SND1: variants seen among roughly 807,000 people sequenced by gnomAD.
SND1 encodes the protein staphylococcal nuclease domain-containing protein 1.
Under a neutral mutation model 121.7 loss-of-function variants are expected in SND1, and 38 were observed. That is an observed-to-expected ratio of 0.31 (90% CI 0.24 to 0.41). The LOEUF (loss-of-function observed/expected upper bound fraction) is 0.41, where lower values mean the gene tolerates loss of function less well. Among genes scored for constraint, SND1 ranks in the 10% least tolerant of loss-of-function variants. The pLI, the probability that SND1 is intolerant of heterozygous loss-of-function variation, is 1.00. For missense variants in SND1, 868 were observed against 1,184.6 expected, an observed-to-expected ratio of 0.73 and a Z score of 3.92; for synonymous variants, 401 against 447.4, an observed-to-expected ratio of 0.90 and a Z score of 1.31.
intron 14 of SND1, among the ~76,000 whole-genome samples, chr7:127,915,270 C>CCT (rs1800550572): frequency 6.6e-6 from 1 of 152,122 alleles, no homozygotes; most frequent in Admixed American, 6.6e-5. Flanking sequence ...CTGCACCCAG[C>CCT]CTGGTGTTCA....
chr7:128,084,994 G>C, intron 19 of SND1, 147 bp downstream of exon 19: 1 of 769,064 alleles, frequency 1.3e-6, no homozygotes, highest in Non-Finnish European at 1.9e-6. Flanking sequence ...CCTCTTCATT[G>C]CCCACAGCCC....
intron 21 of SND1, 53 bp from the exon 22 acceptor site, chr7:128,089,436 G>A: frequency 6.6e-7 from 1 of 1,526,442 alleles, no homozygotes. Flanking sequence ...AGGAGCTGGG[G>A]CCCAAGTGGT....
chr7:127,796,731 G>A (rs1200610466), intron 10 of SND1, among the ~76,000 whole-genome samples: 4 of 152,002 alleles, frequency 2.6e-5, no homozygotes, highest in East Asian at 3.9e-4. Flanking sequence ...GTTTTCTCAC[G>A]GAGTTTATAT....
At chr7:128,043,194 G>C (rs1489860170) in intron 16 of SND1, among the ~76,000 whole-genome samples, 1 of 152,040 alleles carries the variant, frequency 6.6e-6, no homozygotes, top group African/African-American at 2.4e-5. Context: ...GGTTACACCA[G>C]GTCTCTCTCC....
At chr7:127,890,266 C>T (rs1274667526) in intron 13 of SND1, among the ~76,000 whole-genome samples, 3 of 152,114 alleles carry the variant, frequency 2.0e-5, no homozygotes, top group Non-Finnish European at 2.9e-5. Context: ...ATGCATTTCT[C>T]TGATGATCAG....
rs1376382755 is a variant in SND1, at chr7:128,089,491, T to C, written c.2421T>C (p.Asp807=). ...AFAFIQVPQD[D]DARTDAVDSV... ...ACCTGAGTGTGTCTCTGCTCCAGGATGATGCCCGCACGGACGCCGTGGACA... is the reference window on the plus strand; with the variant it reads ...ACCTGAGTGTGTCTCTGCTCCAGGACGATGCCCGCACGGACGCCGTGGACA... Residue 807 remains aspartate (D), a splice_region_variant and synonymous_variant, in exon 22 of 24, where the codon GAT becomes GAC. Coordinates refer to ENST00000354725, the MANE Select transcript of SND1 (RefSeq NM_014390.4). 1.2e-6 allele frequency: 2 copies of C among 1,609,746 alleles called. No homozygotes were observed. Among genetic ancestry groups the C allele is most frequent in the South Asian group, 1.1e-5 (1 of 90,806 alleles).
intron 1 of SND1, among the ~76,000 whole-genome samples, chr7:127,676,038 A>C (rs1318069168): frequency 1.3e-5 from 2 of 152,210 alleles, no homozygotes; most frequent in Non-Finnish European, 2.9e-5. Context: ...TGTGAAGTCT[A>C]AGCTACAGTC....
In SND1 at chr7:127,677,425, T is replaced by A. The variant is rs139109104; in HGVS notation, c.79-9188T>A. 5.3e-5 allele frequency among the ~76,000 whole-genome samples: 8 copies of A among 152,368 alleles called. No homozygotes were observed. The East Asian group carries it at 1.5e-3, about 29-fold the overall frequency. ...CATATACTGCAGCTCCTTCTCTGAT[T>A]ATAAAAACGAGCAGTTTGTGTAACT... On this transcript the variant is annotated intron_variant, in intron 1 of 23. Transcript: ENST00000354725.
At chr7:127,770,671 A>T (rs1328955733) in intron 10 of SND1, among the ~76,000 whole-genome samples, 2 of 151,922 alleles carry the variant, frequency 1.3e-5, no homozygotes, top group Non-Finnish European at 2.9e-5. Flanking sequence ...TACTCTTTAA[A>T]TTTTCTCAGT....
At chr7:127,670,238 C>T (rs1192960480) in intron 1 of SND1, among the ~76,000 whole-genome samples, 1 of 152,170 alleles carries the variant, frequency 6.6e-6, no homozygotes, top group East Asian at 1.9e-4. Context: ...ATCTGCCTGC[C>T]TCAGCCTCCC....
chr7:127,679,860 T>C (rs150261184), intron 1 of SND1, among the ~76,000 whole-genome samples: 4 of 152,368 alleles, frequency 2.6e-5, no homozygotes, highest in African/African-American at 4.8e-5. Context: ...TTGTTTTCTC[T>C]CTTTTTTTGG....
intron 10 of SND1, among the ~76,000 whole-genome samples, chr7:127,806,172 T>C (rs1368208516): frequency 1.3e-5 from 2 of 152,216 alleles, no homozygotes; most frequent in Non-Finnish European, 2.9e-5. Context: ...CAGGATCTCT[T>C]ATTTCTTATA....
At position 127,667,383 on chromosome 7, in the gene SND1, A is replaced by G. The variant is rs183584856; in HGVS notation, c.78+14932A>G. Among the ~76,000 whole-genome samples, 56 of 152,332 alleles carry G rather than the reference A, an allele frequency of 3.7e-4. 2 individuals are homozygous for G. In the East Asian group the frequency reaches 9.2e-3, roughly 25 times the overall value. ...TGGCTTTCATTTAGTTGTATCTGGT[A>G]TACAGGTCCCCTACCACGTTTTATC... On this transcript the variant is annotated intron_variant, in intron 1 of 23. Transcript: ENST00000354725.
At position 128,029,038 on chromosome 7, in the gene SND1, C is replaced by T; in HGVS notation, c.1779+37982C>T. 1 of 1,613,986 alleles carries T rather than the reference C, an allele frequency of 6.2e-7. No homozygotes were observed. Among genetic ancestry groups the T allele is most frequent in the Non-Finnish European group, 8.5e-7 (1 of 1,179,994 alleles). ...ATGGCGGCAGCTAGCAGAGTCACTGCCACAAAGCAGCCAATGATGATCTTG... is the reference window on the plus strand; with the variant it reads ...ATGGCGGCAGCTAGCAGAGTCACTGTCACAAAGCAGCCAATGATGATCTTG... On this transcript the variant is annotated intron_variant, in intron 16 of 23. Coordinates refer to ENST00000354725, the MANE Select transcript of SND1 (RefSeq NM_014390.4). This position sits in a 1 kb window ranked among gnomAD's most constrained non-coding sequence, Gnocchi z 4.2.
At chr7:127,704,372 T>C (rs1170386367) in intron 7 of SND1, among the ~76,000 whole-genome samples, 2 of 152,222 alleles carry the variant, frequency 1.3e-5, no homozygotes, top group African/African-American at 2.4e-5. Flanking sequence ...TGTGTTACAG[T>C]ACAGTGTGAA....
intron 12 of SND1, among the ~76,000 whole-genome samples, chr7:127,873,797 C>T (rs1463248646): frequency 6.6e-6 from 1 of 152,098 alleles, no homozygotes; most frequent in Non-Finnish European, 1.5e-5. Context: ...AGGCACATGC[C>T]ACCACACCCA....
chr7:127,779,649 G>T (rs1049678880), intron 10 of SND1, among the ~76,000 whole-genome samples: 1 of 152,182 alleles, frequency 6.6e-6, no homozygotes, highest in African/African-American at 2.4e-5. Context: ...ATGGTTGGGG[G>T]TCAAAAGTGC....
intron 12 of SND1, among the ~76,000 whole-genome samples, chr7:127,887,047 A>G (rs570195671): frequency 1.1e-4 from 16 of 151,966 alleles, no homozygotes; most frequent in African/African-American, 3.9e-4. Context: ...TCTTTTACCC[A>G]TGCTGCAGTG....
At chr7:127,701,075 G>A in intron 4 of SND1, 88 bp from the exon 5 acceptor site, 1 of 1,415,990 alleles carries the variant, frequency 7.1e-7, no homozygotes, top group East Asian at 2.3e-5. Flanking sequence ...TTCAAGGGGT[G>A]AAGATGCTGA....
Sources: allele counts gnomAD v4.1 joint callset (sites outside exome capture counted in the v4.1 genomes callset), GRCh38; gene constraint gnomAD v4.1.1; non-coding constraint Gnocchi (gnomAD v3.1); transcripts MANE v1.5; gene names NCBI Gene and HGNC (gene_info 2026-07-23, HGNC 2026-07-21).